The following CCDC171 variants were observed in gnomAD, a reference collection of about 807,000 sequenced individuals.
CCDC171 encodes the protein coiled-coil domain containing 171, also known as coiled-coil domain-containing protein 171.
In CCDC171, 177 loss-of-function variants were observed where a neutral mutation model predicts 168.2. The observed-to-expected ratio is 1.05, with a 90% confidence interval of 0.93 to 1.19. The LOEUF (loss-of-function observed/expected upper bound fraction) is 1.19, where lower values mean the gene tolerates loss of function less well. Among genes scored for constraint, CCDC171 ranks in the 50% most tolerant of loss-of-function variants. The pLI, the probability that CCDC171 is intolerant of heterozygous loss-of-function variation, is 0.00. For synonymous variants in CCDC171, 687 were observed against 540.8 expected, an observed-to-expected ratio of 1.27 and a Z score of -3.75; for missense variants, 1,991 against 1,539.0, an observed-to-expected ratio of 1.29 and a Z score of -4.91.
chr9:16,061,840 G>A (rs1165306594), downstream of CCDC171, among the ~76,000 whole-genome samples: 1 of 152,152 alleles, frequency 6.6e-6, no homozygotes, highest in Non-Finnish European at 1.5e-5. Context: ...TTCAGGTTGG[G>A]ATAACTCGGA....
At chr9:15,793,173 C>G (rs1431037126) in intron 21 of CCDC171, among the ~76,000 whole-genome samples, 5 of 151,888 alleles carry the variant, frequency 3.3e-5, no homozygotes, top group Non-Finnish European at 2.9e-5. Flanking sequence ...GGGTTGCAAT[C>G]CTAGTCTCTG....
intron 3 of CCDC171, among the ~76,000 whole-genome samples, chr9:15,987,002 A>C (rs1832010357): frequency 6.6e-6 from 1 of 152,204 alleles, no homozygotes. Context: ...AAAATATTTA[A>C]ATACTTAAAA....
At chr9:15,623,241 T>G in intron 6 of CCDC171, 26 bp from the exon 7 acceptor site, 1 of 1,534,134 alleles carries the variant, frequency 6.5e-7, no homozygotes, top group Non-Finnish European at 8.8e-7. Flanking sequence ...TAAACTTTAT[T>G]GATGCAAAAA....
intron 16 of CCDC171, among the ~76,000 whole-genome samples, chr9:15,737,074 G>A (rs75754965): frequency 0.016 from 2,397 of 151,334 alleles, 75 homozygotes; most frequent in African/African-American, 0.054. Context: ...TGTATTTCTC[G>A]GATTTTTTTT....
chr9:15,738,065 C>G (rs772821961), intron 16 of CCDC171, among the ~76,000 whole-genome samples: 2 of 152,140 alleles, frequency 1.3e-5, no homozygotes, highest in African/African-American at 2.4e-5. Context: ...AAATAAGACA[C>G]TTTAAATGAA....
chr9:15,942,159 T>C (rs917140460), intron 25 of CCDC171, among the ~76,000 whole-genome samples: 3 of 152,104 alleles, frequency 2.0e-5, no homozygotes, highest in African/African-American at 7.2e-5. Context: ...ACTAATCCTA[T>C]TCTAGAAGTG....
intron 25 of CCDC171, among the ~76,000 whole-genome samples, chr9:15,952,677 A>G (rs1237680018): frequency 6.6e-6 from 1 of 152,118 alleles, no homozygotes; most frequent in Non-Finnish European, 1.5e-5. Flanking sequence ...GATTACAGGC[A>G]TGAGCCACCG....
chr9:15,984,806 A>G (rs1831932852), intron 3 of CCDC171, among the ~76,000 whole-genome samples: 2 of 152,166 alleles, frequency 1.3e-5, no homozygotes, highest in East Asian at 3.8e-4. Flanking sequence ...AAGTCTCACA[A>G]CAGAGCAGAA....
At chr9:15,640,629 C>T (rs1382217789) in intron 7 of CCDC171, among the ~76,000 whole-genome samples, 2 of 151,972 alleles carry the variant, frequency 1.3e-5, no homozygotes, top group Non-Finnish European at 2.9e-5. Flanking sequence ...TAAATGCTTA[C>T]ATTTAAAAAG....
chr9:15,895,744 A>G (rs998075219), intron 24 of CCDC171, among the ~76,000 whole-genome samples: 2 of 152,086 alleles, frequency 1.3e-5, no homozygotes, highest in Non-Finnish European at 2.9e-5. Context: ...TTAGTCACTA[A>G]CCAAGCAACT....
At chr9:15,592,398 C>A (rs939063022) in intron 5 of CCDC171, among the ~76,000 whole-genome samples, 2 of 151,994 alleles carry the variant, frequency 1.3e-5, no homozygotes, top group African/African-American at 2.4e-5. Flanking sequence ...AAATGTTCTA[C>A]CTTTACCATT....
At chr9:16,015,016 A>G (rs1832973164) in intron 3 of CCDC171, among the ~76,000 whole-genome samples, 3 of 152,138 alleles carry the variant, frequency 2.0e-5, no homozygotes, top group Admixed American at 6.6e-5. Context: ...TTTCGTCTAC[A>G]TTAAAAATCT....
intron 8 of CCDC171, among the ~76,000 whole-genome samples, chr9:15,659,857 C>T (rs2048190556): frequency 6.6e-6 from 1 of 152,176 alleles, no homozygotes; most frequent in South Asian, 2.1e-4. Flanking sequence ...TTTCACCCAA[C>T]CTCCTATCAC....
intron 24 of CCDC171, among the ~76,000 whole-genome samples, chr9:15,919,439 G>A (rs951729354): frequency 2.0e-5 from 3 of 151,468 alleles, no homozygotes; most frequent in African/African-American, 7.3e-5. Flanking sequence ...ACTAAGTTGT[G>A]GCTGTTGTAG....
At chr9:16,005,921 A>C (rs2017943) in intron 3 of CCDC171, among the ~76,000 whole-genome samples, 15 of 151,302 alleles carry the variant, frequency 9.9e-5, no homozygotes, top group Non-Finnish European at 1.9e-4. Flanking sequence ...TTTTTATTTT[A>C]TTTTTTGAGA....
At chr9:15,709,554 T>C (rs755092569) in intron 11 of CCDC171, among the ~76,000 whole-genome samples, 1 of 152,144 alleles carries the variant, frequency 6.6e-6, no homozygotes, top group Admixed American at 6.5e-5. Flanking sequence ...ATTGAAGACA[T>C]AATTCAAAAA....
At chr9:16,059,671 C>T (rs11789976) in intron 1 of CCDC171, among the ~76,000 whole-genome samples, 5 of 150,154 alleles carry the variant, frequency 3.3e-5, no homozygotes, top group Admixed American at 2.6e-4. Flanking sequence ...CCCGCCACCG[C>T]GCCCGGCTAA....
intron 23 of CCDC171, among the ~76,000 whole-genome samples, chr9:15,862,287 C>G (rs1039955641): frequency 1.5e-4 from 23 of 151,534 alleles, no homozygotes; most frequent in Non-Finnish European, 1.8e-4. Context: ...TGGGTGATTT[C>G]ACGTGGCCTA....
intron 21 of CCDC171, among the ~76,000 whole-genome samples, chr9:15,805,878 TGTC>T (rs1485334071): frequency 6.6e-6 from 1 of 152,130 alleles, no homozygotes; most frequent in Non-Finnish European, 1.5e-5. Context: ...TGTGTATTAT[TGTC>T]TGGGAGACTA....
Sources: allele counts gnomAD v4.1 joint callset (sites outside exome capture counted in the v4.1 genomes callset), GRCh38; gene constraint gnomAD v4.1.1; transcripts MANE v1.5; gene names NCBI Gene and HGNC (gene_info 2026-07-23, HGNC 2026-07-21).